The following ATP11C variants were observed in gnomAD, a reference collection of about 807,000 sequenced individuals.
ATP11C encodes the protein phospholipid-transporting ATPase IG.
In ATP11C, 36 loss-of-function variants were observed where a neutral mutation model predicts 97.4. The observed-to-expected ratio is 0.37, with a 90% CI of 0.28 to 0.49. The LOEUF (loss-of-function observed/expected upper bound fraction) is 0.49, where lower values mean the gene tolerates loss of function less well. Among genes scored for constraint, ATP11C ranks in the 20% least tolerant of loss-of-function variants. The probability of loss-of-function intolerance (pLI) is 0.98; values close to 1 mark genes in which losing one functional copy is unlikely to be tolerated. For synonymous variants in ATP11C, 275 were observed against 290.9 expected (o/e 0.95, Z 0.56); for missense variants, 730 against 824.6 (o/e 0.89, Z 1.40).
intron 23 of ATP11C, among the ~76,000 whole-genome samples, chrX:139,757,184 T>C (rs1248220671): frequency 1.8e-5 from 2 of 110,987 alleles, no homozygotes; most frequent in Non-Finnish European, 3.8e-5. Flanking sequence ...AGATTAATTA[T>C]AAAATTTCTG....
chrX:139,814,887 T>C lies in ATP11C; in HGVS notation c.417A>G (p.Glu139=). Residue 139 remains glutamate (E), a synonymous_variant, in exon 5 of 30, where the codon GAA becomes GAG. Transcript: ENST00000682941. ...GACTAAGAAAAAATACCTTGATTTT[T>C]TCACTTTCTTTTCTCACTCGCTTTG... The part of the protein sequence containing the change: ...ENAKRVRKES[E]KIKVGDVVEV... 8.6e-7 allele frequency: 1 copy of C among 1,161,479 alleles called. No homozygotes were observed. Among genetic ancestry groups the C allele is most frequent in the South Asian group, 2.0e-5 (1 of 50,786 alleles).
At chrX:139,798,169 C>T (rs907075073) in intron 10 of ATP11C, 104 bp downstream of exon 10, 12 of 660,329 alleles carry the variant, frequency 1.8e-5, no homozygotes, top group African/African-American at 1.6e-4. Context: ...ATTGTAGTTG[C>T]TATTATAATT....
intron 18 of ATP11C, among the ~76,000 whole-genome samples, chrX:139,777,738 C>T (rs1378663673): frequency 9.3e-6 from 1 of 107,690 alleles, no homozygotes; most frequent in Non-Finnish European, 1.9e-5. Flanking sequence ...CCAAGGTTAA[C>T]AAGAAAAAAA....
At chrX:139,786,726 T>G (rs1234469613) in intron 15 of ATP11C, among the ~76,000 whole-genome samples, 1 of 112,485 alleles carries the variant, frequency 8.9e-6, no homozygotes, top group Admixed American at 9.4e-5. Context: ...ATCAGAGTAC[T>G]TGCCCCGAGG....
At chrX:139,780,587 C>G (rs2082434610) in intron 18 of ATP11C, among the ~76,000 whole-genome samples, 1 of 110,171 alleles carries the variant, frequency 9.1e-6, no homozygotes, top group South Asian at 3.9e-4. Context: ...ACATGCAAAC[C>G]CACAGCCAAC....
chrX:139,809,837 A>C (rs2147818214), intron 5 of ATP11C, among the ~76,000 whole-genome samples: 1 of 110,770 alleles, frequency 9.0e-6, no homozygotes, highest in Non-Finnish European at 1.9e-5. Flanking sequence ...ATGGTGGCGC[A>C]TGCCTGTAAT....
chrX:139,920,097 C>T (rs916782139), intron 1 of ATP11C, among the ~76,000 whole-genome samples: 3 of 111,366 alleles, frequency 2.7e-5, no homozygotes, highest in Admixed American at 9.5e-5. Context: ...CGGTGGCTCA[C>T]GCCTATAATC....
At chrX:139,933,591 C>T (rs2085482668), upstream of ATP11C, among the ~76,000 whole-genome samples, 1 of 112,362 alleles carries the variant, frequency 8.9e-6, no homozygotes, top group Admixed American at 9.4e-5. Context: ...GAAGAACTTG[C>T]AGATTCTTCT....
chrX:139,904,668 G>C (rs2084948229), intron 1 of ATP11C, among the ~76,000 whole-genome samples: 1 of 111,965 alleles, frequency 8.9e-6, no homozygotes, highest in Admixed American at 9.5e-5. Context: ...GGCCCTGTAA[G>C]ATTGGGTGGT....
chrX:139,848,162 C>T (rs1176648939), intron 1 of ATP11C, among the ~76,000 whole-genome samples: 5 of 111,639 alleles, frequency 4.5e-5, no homozygotes, highest in South Asian at 7.6e-4. Context: ...TATCAAACAC[C>T]GGTCTCTGGT....
At chrX:139,826,621 C>T (rs2083535280) in intron 2 of ATP11C, 83 bp downstream of exon 2, 2 of 839,202 alleles carry the variant, frequency 2.4e-6, no homozygotes, top group Admixed American at 5.2e-5. Flanking sequence ...TACATAAATG[C>T]ATCAGTTTCC....
chrX:139,875,401 G>C (rs2084453185), intron 1 of ATP11C, among the ~76,000 whole-genome samples: 1 of 94,234 alleles, frequency 1.1e-5, no homozygotes, highest in Admixed American at 1.2e-4. Context: ...TTCAAGACCA[G>C]CCTGGGCCCC....
Position 139,891,465 on chromosome X carries a change from TCATG to T in ATP11C, c.27+40547_27+40550del, listed in dbSNP as rs1319236027. On this transcript the variant is annotated intron_variant, in intron 1 of 29. Transcript: ENST00000682941. ...AAGCCCTCCATGAACCACCCTTCAG[TCATG>T]CAGAGAAAATGACTCATTCTCCCGC... is the stretch of plus-strand genomic sequence containing the variant. 5.4e-5 allele frequency among the ~76,000 whole-genome samples: 6 copies of T among 112,016 alleles called. No individual in the cohort carries two copies. The East Asian group carries it at 1.7e-3, about 32-fold the overall frequency.
chrX:139,850,063 G>A (rs1389212828), intron 1 of ATP11C, among the ~76,000 whole-genome samples: 2 of 111,936 alleles, frequency 1.8e-5, no homozygotes, highest in Non-Finnish European at 3.8e-5. Context: ...CTCCATGTGT[G>A]GTATTCTATT....
chrX:139,760,751 C>T (rs910325947), intron 22 of ATP11C, among the ~76,000 whole-genome samples: 20 of 111,061 alleles, frequency 1.8e-4, no homozygotes, highest in African/African-American at 6.2e-4. Flanking sequence ...CTTCAGTGTC[C>T]AATATTGGGG....
intron 10 of ATP11C, among the ~76,000 whole-genome samples, chrX:139,797,629 A>C (rs2082829368): frequency 9.0e-6 from 1 of 111,375 alleles, no homozygotes; most frequent in African/African-American, 3.3e-5. Context: ...TACACACACC[A>C]TTACTTACTC....
At chrX:139,781,382 C>T (rs2082453204) in intron 18 of ATP11C, among the ~76,000 whole-genome samples, 1 of 112,432 alleles carries the variant, frequency 8.9e-6, no homozygotes, top group African/African-American at 3.2e-5. Context: ...GCAATCAAGT[C>T]TGAAAAAGGT....
chrX:139,932,094 A>G lies in ATP11C; in HGVS notation c.-52T>C. ...CTGGGCTCTACCGGGCTGTCTGGGAAGGCGCCGTCCACAAAACACACTGCG... is the reference window on the plus strand; with the variant it reads ...CTGGGCTCTACCGGGCTGTCTGGGAGGGCGCCGTCCACAAAACACACTGCG... On this transcript the variant is annotated 5_prime_UTR_variant, in exon 1 of 30. Transcript: ENST00000682941. The G allele has an allele frequency of 9.0e-7, 1 of 1,109,492 alleles. No homozygotes were observed. The highest frequency in any genetic ancestry group is 1.2e-6 in the Non-Finnish European group (1 of 838,144). The allele number at this position is 1,109,492 out of a possible 1,213,427, so 91.4% of individuals were successfully genotyped here. A position where few individuals can be genotyped will look rare whatever the true frequency, so the allele number is the denominator to read the frequency against.
rs890851216 is a variant in ATP11C at position 139,903,547 on chromosome X, C to G, written c.27+28469G>C. The stretch of plus-strand genomic sequence containing the variant: ...TGAGCTTCTTCTCCCATATCTCACC[C>G]TATGTGTCTCTTCAACTGTATCCTC... On this transcript the variant is annotated intron_variant, in intron 1 of 29. Transcript: ENST00000682941. Among the ~76,000 whole-genome samples, 7 of 109,044 alleles carry G rather than the reference C, an allele frequency of 6.4e-5. No homozygotes were observed. In the East Asian group the frequency reaches 2.0e-3, roughly 32 times the overall value. The allele number at this position is 109,044 out of a possible 115,157, so 94.7% of individuals were successfully genotyped here.
Sources: allele counts gnomAD v4.1 joint callset (sites outside exome capture counted in the v4.1 genomes callset), GRCh38; gene constraint gnomAD v4.1.1; transcripts MANE v1.5; gene names NCBI Gene and HGNC (gene_info 2026-07-23, HGNC 2026-07-21).